ANKRD30BL: variants seen among roughly 807,000 people sequenced by gnomAD.
ANKRD30BL encodes putative ankyrin repeat domain-containing protein 30B-like.
Under a neutral mutation model 18.4 loss-of-function variants are expected in ANKRD30BL, and 20 were observed. The observed-to-expected ratio is 1.09, with a 90% CI of 0.77 to 1.58. The LOEUF (loss-of-function observed/expected upper bound fraction) is 1.58, where lower values mean the gene tolerates loss of function less well. Among genes scored for constraint, ANKRD30BL ranks in the 40% most tolerant of loss-of-function variants. The probability of loss-of-function intolerance (pLI) is 0.00; values close to 1 mark genes in which losing one functional copy is unlikely to be tolerated. For missense variants in ANKRD30BL, 224 were observed against 268.6 expected, an observed-to-expected ratio of 0.83 and a Z score of 1.16; for synonymous variants, 72 against 100.9, an observed-to-expected ratio of 0.71 and a Z score of 1.72.
chr2:132,247,145 T>C (rs1200567372), intron 1 of ANKRD30BL, among the ~76,000 whole-genome samples: 3 of 148,554 alleles, frequency 2.0e-5, no homozygotes, highest in African/African-American at 7.5e-5. Flanking sequence ...AAAAAGGAAA[T>C]ATTTTCACAT....
In ANKRD30BL at chr2:132,198,302, TTCTTTCTTTCTTTCTTTCTTTC is replaced by T. The variant is rs1280894293; in HGVS notation, n.442-41178_442-41157del. Reference sequence around the variant, plus strand: ...TTTCTTTCTTTCTTTCTTTCTTTCTTTCTTTCTTTCTTTCTTTCTTTCTTTTTTTTTTTTTTTTTTAGACAGA... The same window carrying T: ...TTTCTTTCTTTCTTTCTTTCTTTCTTTTTTTTTTTTTTTTTTTTAGACAGA... On this transcript the variant is annotated intron_variant and non_coding_transcript_variant, in intron 1 of 4. Transcript: ENST00000470729. Among the ~76,000 whole-genome samples the T allele has an allele frequency of 4.7e-3, 54 of 11,490 alleles. 2 individuals carry two copies. The highest frequency in any genetic ancestry group is 8.7e-3 in the African/African-American group (40 of 4,594). The allele number at this position is 11,490 out of a possible 152,430, so 7.5% of individuals were successfully genotyped here. A position where few individuals can be genotyped will look rare whatever the true frequency, so the allele number is the denominator to read the frequency against.
intron 1 of ANKRD30BL, among the ~76,000 whole-genome samples, chr2:132,209,200 G>C (rs1179871818): frequency 2.6e-5 from 4 of 150,994 alleles, no homozygotes; most frequent in African/African-American, 9.7e-5. Flanking sequence ...CTAGACAGAA[G>C]CATTCTGAGA....
Position 132,157,417 on chromosome 2 carries a change from A to T in ANKRD30BL, c.225T>A (p.Ala75=), listed in dbSNP as rs780422976. Residue 75 remains alanine (A), a synonymous_variant, in exon 2 of 6, where the codon GCT becomes GCA. Transcript: ENST00000409867. ...GGCCATTGGCACAGGCCCAGTATAG[A>T]GCAGTCCTACAAGAATGAGAGGCCT... is the stretch of plus-strand genomic sequence containing the variant. ...LNIRDAKKRT[A]LYWACANGHA... 3.4e-5 allele frequency: 24 copies of T among 709,048 alleles called. No individual in the cohort carries two copies. The highest frequency in any genetic ancestry group is 6.2e-5 in the Admixed American group (3 of 48,408). The allele number at this position is 709,048 out of a possible 1,614,324, so 43.9% of individuals were successfully genotyped here. A position where few individuals can be genotyped will look rare whatever the true frequency, so the allele number is the denominator to read the frequency against.
chr2:132,218,683 C>T (rs1163559313), intron 1 of ANKRD30BL, among the ~76,000 whole-genome samples: 1 of 151,794 alleles, frequency 6.6e-6, no homozygotes, highest in African/African-American at 2.4e-5. Context: ...GTGATGTTTG[C>T]CTTCAACTCA....
intron 1 of ANKRD30BL, among the ~76,000 whole-genome samples, chr2:132,187,181 TTTGTTTG>T (rs1688577562): frequency 1.4e-5 from 2 of 137,932 alleles, no homozygotes; most frequent in African/African-American, 6.1e-5. Context: ...TGTTTTTTTT[TTTGTTTG>T]TTTTTTTTTT....
chr2:132,248,372 C>T (rs1464636079), intron 1 of ANKRD30BL, among the ~76,000 whole-genome samples: 1 of 152,144 alleles, frequency 6.6e-6, no homozygotes, highest in Non-Finnish European at 1.5e-5. Context: ...AAAGATTCAA[C>T]TCTGTGAGAT....
At chr2:132,253,792 C>A (rs72869411) in intron 1 of ANKRD30BL, among the ~76,000 whole-genome samples, 2 of 149,606 alleles carry the variant, frequency 1.3e-5, no homozygotes, top group Admixed American at 6.7e-5. Context: ...ACCTGGATGG[C>A]GGGGGCGGAT....
Position 132,161,905 on chromosome 2 carries a change from C to G in ANKRD30BL, c.-200G>C. ...AAAACCGTTAGGCAGCTGAGCAGAA[C>G]CGTTAGGCACCTGAGCAGAACCTTT... On this transcript the variant is annotated 5_prime_UTR_variant, in exon 1 of 6. Transcript: ENST00000409867. The G allele has an allele frequency of 1.7e-6, 1 of 576,754 alleles. No individual in the cohort carries two copies. The highest frequency in any genetic ancestry group is 3.1e-6 in the Non-Finnish European group (1 of 320,858). The allele number at this position is 576,754 out of a possible 1,614,324, so 35.7% of individuals were successfully genotyped here.
rs367896036 is a variant in ANKRD30BL, at chr2:132,225,577, T to C, written n.441+31952A>G. Among the ~76,000 whole-genome samples, 55 of 152,210 alleles carry C rather than the reference T, an allele frequency of 3.6e-4. No homozygotes were observed. The South Asian group carries it at 0.011, about 31-fold the overall frequency. ...TCACAGAGTTGAAACTTTCTTTTGA[T>C]AGAACAGTTTTGAAACACTCTTTTT... On this transcript the variant is annotated intron_variant and non_coding_transcript_variant, in intron 1 of 4. Transcript: ENST00000470729.
At position 132,185,755 on chromosome 2, in the gene ANKRD30BL, T is replaced by C. The variant is rs188771489; in HGVS notation, n.442-28609A>G. Among the ~76,000 whole-genome samples the C allele has an allele frequency of 2.3e-4, 35 of 152,252 alleles. 1 individual carries two copies. The East Asian group carries it at 5.0e-3, about 22-fold the overall frequency. On this transcript the variant is annotated intron_variant and non_coding_transcript_variant, in intron 1 of 4. Coordinates refer to the ANKRD30BL transcript ENST00000470729. ...ACAGAAACAGCTTGTTCCTCAGTAG[T>C]ATTCTATATATAAAAAGTAAACACA...
In ANKRD30BL at chr2:132,217,382, T is replaced by A. The variant is rs1330171798; in HGVS notation, n.441+40147A>T. On this transcript the variant is annotated intron_variant and non_coding_transcript_variant, in intron 1 of 4. Coordinates refer to the ANKRD30BL transcript ENST00000470729. ...TTTGAAACACTGTTTTTGTAGAATC[T>A]GCAAGTGGACATTTGGAGAGATTTG... 2.0e-5 allele frequency among the ~76,000 whole-genome samples: 3 copies of A among 152,142 alleles called. No homozygotes were observed. In the East Asian group the frequency reaches 5.8e-4, roughly 29 times the overall value.
intron 1 of ANKRD30BL, among the ~76,000 whole-genome samples, chr2:132,187,294 A>C (rs199842005): frequency 1.1e-4 from 17 of 148,618 alleles, no homozygotes; most frequent in Non-Finnish European, 2.2e-4. Context: ...CCCGGGATGA[A>C]GCGATTCTCT....
chr2:132,255,705 G>C (rs1023646478), intron 1 of ANKRD30BL, among the ~76,000 whole-genome samples: 4 of 152,126 alleles, frequency 2.6e-5, no homozygotes, highest in Admixed American at 6.5e-5. Flanking sequence ...TCAGGAGTGG[G>C]TAATTTGAGT....
chr2:132,234,339 A>G (rs551654822), intron 1 of ANKRD30BL, among the ~76,000 whole-genome samples: 1,628 of 152,238 alleles, frequency 0.011, 29 homozygotes, highest in African/African-American at 0.037. Flanking sequence ...CTAAAATCAG[A>G]GCAGAACTGA....
intron 1 of ANKRD30BL, among the ~76,000 whole-genome samples, chr2:132,220,596 C>T (rs1679647838): frequency 6.6e-6 from 1 of 152,106 alleles, no homozygotes; most frequent in Admixed American, 6.6e-5. Flanking sequence ...CAGCTCCTAA[C>T]CGCGAGTGAT....
chr2:132,225,321 C>T (rs77172038), intron 1 of ANKRD30BL, among the ~76,000 whole-genome samples: 9,004 of 151,986 alleles, frequency 0.059, 322 homozygotes, highest in South Asian at 0.12. Context: ...AAACAAATAT[C>T]TTCCCATAAA....
chr2:132,217,280 G>A lies in ANKRD30BL; in HGVS notation n.441+40249C>T, dbSNP rs562748878. On this transcript the variant is annotated intron_variant and non_coding_transcript_variant, in intron 1 of 4. Coordinates refer to the ANKRD30BL transcript ENST00000470729. ...GGAATATCTTCACATAATCTCTAGA[G>A]AGAAGTTTTCTCAGAAACTTCTTTG... is the stretch of plus-strand genomic sequence containing the variant. Among the ~76,000 whole-genome samples, 19 of 150,718 alleles carry A rather than the reference G, an allele frequency of 1.3e-4. No individual in the cohort carries two copies. In the South Asian group the frequency reaches 4.0e-3, roughly 32 times the overall value.
chr2:132,221,726 G>T (rs1330966577), intron 1 of ANKRD30BL, among the ~76,000 whole-genome samples: 61 of 108,204 alleles, frequency 5.6e-4, no homozygotes, highest in South Asian at 1.8e-3. Context: ...CAGCCGCCCC[G>T]TCCGGGAGGT....
intron 1 of ANKRD30BL, among the ~76,000 whole-genome samples, chr2:132,183,426 G>T (rs1173323939): frequency 6.6e-6 from 1 of 152,116 alleles, no homozygotes; most frequent in East Asian, 1.9e-4. Context: ...ACTGCACCCG[G>T]CCACTTTTAG....
Sources: allele counts gnomAD v4.1 joint callset (sites outside exome capture counted in the v4.1 genomes callset), GRCh38; gene constraint gnomAD v4.1.1; transcripts MANE v1.5; gene names NCBI Gene and HGNC (gene_info 2026-07-23, HGNC 2026-07-21).